Variants in UBE2E2 observed in about 807,000 individuals in gnomAD.
The protein encoded by UBE2E2 is ubiquitin conjugating enzyme E2 E2.
UBE2E2 carries 6 observed loss-of-function variants against 24.7 expected under a neutral mutation model. The observed-to-expected ratio is 0.24, with a 90% confidence interval of 0.13 to 0.48. The LOEUF (loss-of-function observed/expected upper bound fraction) is 0.48, where lower values mean the gene tolerates loss of function less well. Among genes scored for constraint, UBE2E2 ranks in the 20% least tolerant of loss-of-function variants. The pLI is 0.99. For synonymous variants in UBE2E2, 104 were observed against 83.6 expected, an observed-to-expected ratio of 1.24 and a Z score of -1.33; for missense variants, 169 against 245.0, an observed-to-expected ratio of 0.69 and a Z score of 2.07.
At chr3:23,213,643 T>A (rs1375456334) in intron 2 of UBE2E2, among the ~76,000 whole-genome samples, 6 of 152,134 alleles carry the variant, frequency 3.9e-5, no homozygotes. Context: ...TTCAGGTGAT[T>A]TTTGTGTAAA....
chr3:23,569,163 G>A (rs1279702018), intron 5 of UBE2E2, among the ~76,000 whole-genome samples: 1 of 152,130 alleles, frequency 6.6e-6, no homozygotes, highest in Non-Finnish European at 1.5e-5. Context: ...AAGGAATGAA[G>A]TATTGATGCT....
intron 3 of UBE2E2, among the ~76,000 whole-genome samples, chr3:23,482,744 A>C (rs1265003284): frequency 2.0e-5 from 3 of 152,180 alleles, no homozygotes; most frequent in African/African-American, 7.2e-5. Flanking sequence ...ATGAGATTAA[A>C]TAGGGATTTA....
At chr3:23,395,023 G>A (rs1418219684) in intron 3 of UBE2E2, among the ~76,000 whole-genome samples, 1 of 152,128 alleles carries the variant, frequency 6.6e-6, no homozygotes, top group Non-Finnish European at 1.5e-5. Context: ...TAGCAGAACA[G>A]GAAGAGAAAG....
intron 3 of UBE2E2, among the ~76,000 whole-genome samples, chr3:23,254,460 G>A (rs1402753909): frequency 6.6e-6 from 1 of 152,162 alleles, no homozygotes; most frequent in African/African-American, 2.4e-5. Context: ...GCTGGTCCAG[G>A]CTAGTTTGTG....
intron 3 of UBE2E2, among the ~76,000 whole-genome samples, chr3:23,292,475 C>G (rs886404218): frequency 3.3e-5 from 5 of 152,026 alleles, no homozygotes; most frequent in Non-Finnish European, 7.4e-5. Context: ...AAGCCAGTGA[C>G]ACTACATAGG....
At chr3:23,461,954 CA>C (rs1698812148) in intron 3 of UBE2E2, among the ~76,000 whole-genome samples, 2 of 152,002 alleles carry the variant, frequency 1.3e-5, no homozygotes, top group African/African-American at 4.8e-5. Flanking sequence ...TTTTGTATAA[CA>C]AACTAATTTC....
chr3:23,586,614 T>A (rs1019324517), intron 5 of UBE2E2, among the ~76,000 whole-genome samples: 3 of 152,184 alleles, frequency 2.0e-5, no homozygotes, highest in Non-Finnish European at 4.4e-5. Context: ...ATGATTTTTT[T>A]AATTCCTTCA....
At position 23,578,894 on chromosome 3, in the gene UBE2E2, C is replaced by G. The variant is rs144465584; in HGVS notation, c.509-10840C>G. ...GGCACGTGTTTATCTGTGTAACAAACATGCACATCCTGCACATGTACCCCT... is the reference window on the plus strand; with the variant it reads ...GGCACGTGTTTATCTGTGTAACAAAGATGCACATCCTGCACATGTACCCCT... On this transcript the variant is annotated intron_variant, in intron 5 of 5. Transcript: ENST00000396703. Among the ~76,000 whole-genome samples, 4 of 152,222 alleles carry G rather than the reference C, an allele frequency of 2.6e-5. No individual in the cohort carries two copies. In the East Asian group the frequency reaches 7.7e-4, roughly 29 times the overall value.
chr3:23,281,985 A>T (rs2125372124), intron 3 of UBE2E2, among the ~76,000 whole-genome samples: 1 of 152,308 alleles, frequency 6.6e-6, no homozygotes, highest in South Asian at 2.1e-4. Context: ...AATCATCCTA[A>T]AAGATTGGAG....
rs1185425381 is a variant in UBE2E2 at position 23,233,643 on chromosome 3, A to G, written c.227+16331A>G. On this transcript the variant is annotated intron_variant, in intron 3 of 5. Transcript: ENST00000396703. ...GGATGATCTCCAAGTGGCTTTAGTT[A>G]TTAATATTATAATAACAAAAGAACC... is the stretch of plus-strand genomic sequence containing the variant. Among the ~76,000 whole-genome samples, 7 of 152,278 alleles carry G rather than the reference A, an allele frequency of 4.6e-5. No homozygotes were observed. In the East Asian group the frequency reaches 1.4e-3, roughly 29 times the overall value.
intron 5 of UBE2E2, among the ~76,000 whole-genome samples, chr3:23,545,843 G>A (rs1479863979): frequency 6.6e-6 from 1 of 152,084 alleles, no homozygotes; most frequent in East Asian, 1.9e-4. Flanking sequence ...TAAAAAAGAA[G>A]GAAATAACAT....
chr3:23,221,860 C>G (rs1469656647), intron 3 of UBE2E2, among the ~76,000 whole-genome samples: 1 of 152,120 alleles, frequency 6.6e-6, no homozygotes, highest in Non-Finnish European at 1.5e-5. Context: ...TGGTCTTGAA[C>G]TTGATTACCC....
intron 3 of UBE2E2, among the ~76,000 whole-genome samples, chr3:23,435,840 G>A (rs1054795817): frequency 6.6e-6 from 1 of 152,118 alleles, no homozygotes; most frequent in African/African-American, 2.4e-5. Flanking sequence ...GGGTTACGTC[G>A]GTGGTCCCCA....
intron 3 of UBE2E2, among the ~76,000 whole-genome samples, chr3:23,312,055 C>A (rs1694416168): frequency 6.6e-6 from 1 of 152,018 alleles, no homozygotes; most frequent in Non-Finnish European, 1.5e-5. Flanking sequence ...TGAGTTCTTG[C>A]CAGATCTGGT....
At chr3:23,496,970 T>C (rs1699614733) in intron 3 of UBE2E2, among the ~76,000 whole-genome samples, 1 of 152,190 alleles carries the variant, frequency 6.6e-6, no homozygotes. Context: ...AATTAATACA[T>C]ATTTTGCATG....
intron 5 of UBE2E2, among the ~76,000 whole-genome samples, chr3:23,560,504 G>A (rs1695900896): frequency 6.6e-6 from 1 of 152,144 alleles, no homozygotes; most frequent in South Asian, 2.1e-4. Context: ...CTTTGCTGTT[G>A]TGAGTAGTGC....
intron 3 of UBE2E2, among the ~76,000 whole-genome samples, chr3:23,430,410 G>C (rs938179352): frequency 6.6e-6 from 1 of 151,962 alleles, no homozygotes. Context: ...CTACCTCATA[G>C]GGCTGTTACA....
chr3:23,237,745 A>C (rs1697151782), intron 3 of UBE2E2, among the ~76,000 whole-genome samples: 1 of 152,144 alleles, frequency 6.6e-6, no homozygotes, highest in African/African-American at 2.4e-5. Flanking sequence ...TAGAGGTCTT[A>C]CGTCTTTGCT....
At chr3:23,335,020 T>C (rs1170945692) in intron 3 of UBE2E2, among the ~76,000 whole-genome samples, 2 of 152,210 alleles carry the variant, frequency 1.3e-5, no homozygotes, top group African/African-American at 2.4e-5. Context: ...CTGGCAGATA[T>C]CACATTAAAT....
Sources: allele counts gnomAD v4.1 joint callset (sites outside exome capture counted in the v4.1 genomes callset), GRCh38; gene constraint gnomAD v4.1.1; transcripts MANE v1.5; gene names NCBI Gene and HGNC (gene_info 2026-07-23, HGNC 2026-07-21).